Variants in BOLL observed in about 807,000 individuals in gnomAD.
BOLL encodes boule RNA binding protein, also known as protein boule-like.
Under a neutral mutation model 44.4 loss-of-function variants are expected in BOLL, and 23 were observed. The ratio of observed to expected loss-of-function variants is 0.52; its 90% confidence interval spans 0.37 to 0.73. The LOEUF (loss-of-function observed/expected upper bound fraction) is 0.73. BOLL is among the 30% of genes least tolerant of loss of function. The probability of loss-of-function intolerance (pLI) is 0.00; values close to 1 mark genes in which losing one functional copy is unlikely to be tolerated. For missense variants in BOLL, 287 were observed against 338.3 expected (o/e 0.85, Z 1.19); for synonymous variants, 97 against 110.8 (o/e 0.88, Z 0.78).
intron 5 of BOLL, chr2:197,774,333 A>G (rs1689411350): frequency 6.4e-6 from 1 of 156,648 alleles, no homozygotes; most frequent in Non-Finnish European, 1.4e-5. Flanking sequence ...GCAGTGGGTT[A>G]GGAACCACAA....
In BOLL at chr2:197,784,391, C is replaced by CATACAT. The variant is rs1305139578; in HGVS notation, c.-16+664_-16+665insATGTAT. Among the ~76,000 whole-genome samples, 42 of 54,998 alleles carry CATACAT rather than the reference C, an allele frequency of 7.6e-4. 6 individuals carry two copies. Among genetic ancestry groups the CATACAT allele is most frequent in the African/African-American group, 3.3e-3 (39 of 11,754 alleles). The allele number at this position is 54,998 out of a possible 152,430, so 36.1% of individuals were successfully genotyped here. On this transcript the variant is annotated intron_variant, in intron 1 of 10. Coordinates refer to ENST00000392296, the MANE Select transcript of BOLL (RefSeq NM_033030.6). ...AATACAGTATAACAGCAGTCTAATA[C>CATACAT]ATATATATATATATATATATATATA... is the stretch of plus-strand genomic sequence containing the variant.
intron 9 of BOLL, among the ~76,000 whole-genome samples, chr2:197,746,899 GA>G (rs35300403): frequency 0.46 from 43,411 of 93,902 alleles, 8,715 homozygotes; most frequent in Middle Eastern, 0.55. Flanking sequence ...ACTCTGTCTC[GA>G]AAAAAAAAAA....
chr2:197,755,150 A>G (rs1253579064), intron 9 of BOLL, among the ~76,000 whole-genome samples: 2 of 152,248 alleles, frequency 1.3e-5, no homozygotes, highest in African/African-American at 4.8e-5. Flanking sequence ...AAAAAAGCTC[A>G]GCATCACTGA....
intron 10 of BOLL, among the ~76,000 whole-genome samples, chr2:197,730,766 G>A (rs1053418898): frequency 1.3e-5 from 2 of 151,998 alleles, no homozygotes; most frequent in Non-Finnish European, 1.5e-5. Flanking sequence ...CAAATGCTGA[G>A]AGATTTTGTC....
At chr2:197,762,355 A>C (rs1407980585) in intron 7 of BOLL, among the ~76,000 whole-genome samples, 1 of 152,178 alleles carries the variant, frequency 6.6e-6, no homozygotes, top group Non-Finnish European at 1.5e-5. Flanking sequence ...AAAAGAAAAA[A>C]AGAAAAGAAA....
At chr2:197,781,887 C>T (rs749296382) in intron 1 of BOLL, 22 bp from the exon 2 acceptor site, 7 of 1,570,156 alleles carry the variant, frequency 4.5e-6, no homozygotes, top group Admixed American at 3.4e-5. Flanking sequence ...AATTCTTTTA[C>T]ACTTTTTGCA....
intron 10 of BOLL, among the ~76,000 whole-genome samples, chr2:197,742,598 G>T (rs867832178): frequency 6.6e-6 from 1 of 152,024 alleles, no homozygotes; most frequent in African/African-American, 2.4e-5. Context: ...CTCACTCATA[G>T]GTGGGAATTG....
At position 197,781,787 on chromosome 2, in the gene BOLL, T is replaced by G. The variant is rs1456890221; in HGVS notation, c.64A>C (p.Thr22Pro). The change falls in exon 2 of 11, where the codon ACA becomes CCA. Residue 22 changes from threonine to proline, a missense_variant. Physicochemically the swap from Thr to Pro is conservative, Grantham distance 38. Transcript: ENST00000392296. ...ACTGTTCCATATCTTGGGGCACTTG[T>G]TGGGTTATTCAAAGGCACAGGTGAC... is the stretch of plus-strand genomic sequence containing the variant. The part of the protein sequence containing the change: ...PVSPVPLNNP[T>P]SAPRYGTVIP... The G allele has an allele frequency of 6.2e-7, 1 of 1,608,310 alleles. No homozygotes were observed. Among genetic ancestry groups the G allele is most frequent in the Admixed American group, 1.7e-5 (1 of 59,986 alleles).
intron 5 of BOLL, chr2:197,774,399 A>T (rs2106381395): frequency 6.6e-6 from 1 of 152,400 alleles, no homozygotes; most frequent in South Asian, 2.1e-4. Context: ...AAACATTTTT[A>T]AAACAATGAC....
intron 10 of BOLL, among the ~76,000 whole-genome samples, chr2:197,728,789 A>C (rs1174655442): frequency 6.6e-6 from 1 of 152,234 alleles, no homozygotes; most frequent in Non-Finnish European, 1.5e-5. Flanking sequence ...CTTAGAATCT[A>C]TATTAGACAA....
upstream of BOLL, chr2:197,785,880 G>A (rs1481661367): frequency 2.0e-6 from 2 of 999,142 alleles, no homozygotes; most frequent in South Asian, 1.3e-5. This position sits in a 1 kb window ranked among gnomAD's most constrained non-coding sequence, Gnocchi z 6.7. Flanking sequence ...GATAGCGAGC[G>A]TTTGGGGCCT....
chr2:197,756,797 C>T (rs1280482579), intron 8 of BOLL, among the ~76,000 whole-genome samples: 1 of 151,992 alleles, frequency 6.6e-6, no homozygotes, highest in Middle Eastern at 3.2e-3. Flanking sequence ...GACTGAGAAC[C>T]TCATATATAA....
At chr2:197,734,647 A>G (rs1016248880) in intron 10 of BOLL, among the ~76,000 whole-genome samples, 4 of 152,210 alleles carry the variant, frequency 2.6e-5, no homozygotes, top group African/African-American at 7.2e-5. Context: ...TGATGAGTTC[A>G]TGTCCTTTGT....
intron 10 of BOLL, among the ~76,000 whole-genome samples, chr2:197,740,496 T>A (rs2106323089): frequency 6.6e-6 from 1 of 152,204 alleles, no homozygotes; most frequent in South Asian, 2.1e-4. Flanking sequence ...TCAAAATATA[T>A]TGAGTGTATA....
At chr2:197,742,665 G>T (rs1046219191) in intron 10 of BOLL, among the ~76,000 whole-genome samples, 1 of 151,988 alleles carries the variant, frequency 6.6e-6, no homozygotes, top group Non-Finnish European at 1.5e-5. Context: ...GGACTGTTGT[G>T]GGGTGGGGGG....
At chr2:197,750,743 CAG>C (rs1688205467) in intron 9 of BOLL, among the ~76,000 whole-genome samples, 1 of 152,140 alleles carries the variant, frequency 6.6e-6, no homozygotes, top group Admixed American at 6.6e-5. Context: ...ATCAACGAGA[CAG>C]AAAATTAACA....
At chr2:197,765,943 G>C (rs7587716) in intron 7 of BOLL, among the ~76,000 whole-genome samples, 1 of 151,792 alleles carries the variant, frequency 6.6e-6, no homozygotes. Context: ...AGAACATGTG[G>C]TTATTTGGTT....
chr2:197,742,393 A>G (rs975815723), intron 10 of BOLL, among the ~76,000 whole-genome samples: 5 of 152,350 alleles, frequency 3.3e-5, no homozygotes, highest in African/African-American at 9.6e-5. Context: ...TATTCACAAT[A>G]GCAAAGACTT....
At chr2:197,729,976 G>A (rs1368239323) in intron 10 of BOLL, among the ~76,000 whole-genome samples, 6 of 152,084 alleles carry the variant, frequency 3.9e-5, no homozygotes, top group East Asian at 3.9e-4. Context: ...TGACTTTGAC[G>A]AGCTGAGAGA....
Sources: allele counts gnomAD v4.1 joint callset (sites outside exome capture counted in the v4.1 genomes callset), GRCh38; gene constraint gnomAD v4.1.1; non-coding constraint Gnocchi (gnomAD v3.1); transcripts MANE v1.5; gene names NCBI Gene and HGNC (gene_info 2026-07-23, HGNC 2026-07-21).